Variants in ANKRD62 observed in about 807,000 individuals in gnomAD.
The protein encoded by ANKRD62 is ankyrin repeat domain 62.
Under a neutral mutation model 98.8 loss-of-function variants are expected in ANKRD62, and 61 were observed. That is an observed-to-expected ratio of 0.62 (90% CI 0.50 to 0.76). The LOEUF (loss-of-function observed/expected upper bound fraction) is 0.76. Among genes scored for constraint, ANKRD62 ranks in the 30% least tolerant of loss-of-function variants. The probability of loss-of-function intolerance (pLI) is 0.00; values close to 1 mark genes in which losing one functional copy is unlikely to be tolerated. For synonymous variants in ANKRD62, 341 were observed against 367.9 expected (o/e 0.93, Z 0.84); for missense variants, 933 against 1,082.9 (o/e 0.86, Z 1.94).
At chr18:12,166,407 T>C in the ANKRD62 span, among the ~76,000 whole-genome samples, 1 of 152,098 alleles carries the variant, frequency 6.6e-6, no homozygotes, top group South Asian at 2.1e-4. Flanking sequence ...TTATCAGTTC[T>C]GCTATTAAGA....
chr18:12,113,777 G>A (rs1909599315), intron 8 of ANKRD62, among the ~76,000 whole-genome samples: 1 of 152,138 alleles, frequency 6.6e-6, no homozygotes, highest in Non-Finnish European at 1.5e-5. Flanking sequence ...ATTCAACCTA[G>A]CAATCTTATT....
At chr18:12,109,192 G>T (rs1421063632) in intron 8 of ANKRD62, among the ~76,000 whole-genome samples, 2 of 152,192 alleles carry the variant, frequency 1.3e-5, no homozygotes, top group Non-Finnish European at 2.9e-5. Context: ...CTTCATGAGG[G>T]CTCTGCCCCT....
intron 10 of ANKRD62, among the ~76,000 whole-genome samples, chr18:12,116,518 C>G (rs1909669010): frequency 6.6e-6 from 1 of 152,144 alleles, no homozygotes; most frequent in Non-Finnish European, 1.5e-5. Context: ...TGGGTCCTAT[C>G]GCCAAGATAT....
At chr18:12,136,098 T>C in the ANKRD62 span, among the ~76,000 whole-genome samples, 1 of 152,220 alleles carries the variant, frequency 6.6e-6, no homozygotes, top group Non-Finnish European at 1.5e-5. Context: ...TTTTGGTGTT[T>C]TAGTCATGAA....
chr18:12,137,356 A>C, the ANKRD62 span, among the ~76,000 whole-genome samples: 1 of 152,094 alleles, frequency 6.6e-6, no homozygotes, highest in East Asian at 1.9e-4. Flanking sequence ...ATGTTTATTG[A>C]TTTTCATATG....
intron 8 of ANKRD62, among the ~76,000 whole-genome samples, chr18:12,113,917 T>C (rs1230530801): frequency 6.6e-6 from 1 of 152,146 alleles, no homozygotes; most frequent in African/African-American, 2.4e-5. Flanking sequence ...AGACTGGATA[T>C]AGAAAATGTG....
Position 12,115,103 on chromosome 18 carries a change from C to A in ANKRD62, c.1080C>A (p.Thr360=). The A allele has an allele frequency of 7.2e-7, 1 of 1,393,834 alleles. No homozygotes were observed. Among genetic ancestry groups the A allele is most frequent in the Non-Finnish European group, 9.3e-7 (1 of 1,080,348 alleles). 86.3% of individuals were successfully genotyped at this position (1,393,834 alleles called of 1,614,324 possible). A position where few individuals can be genotyped will look rare whatever the true frequency, so the allele number is the denominator to read the frequency against. ...NGEFDRLARK[T]SNEKSKVKSQ... ...TTTTTTTTAGGCTTGCAAGGAAAACCTCTAATGAAAAGAGCAAGGTATTAT... is the reference window on the plus strand; with the variant it reads ...TTTTTTTTAGGCTTGCAAGGAAAACATCTAATGAAAAGAGCAAGGTATTAT... The change falls in exon 9 of 14, where the codon ACC becomes ACA. Residue 360 remains threonine, a synonymous_variant. Coordinates refer to ENST00000587848, the MANE Select transcript of ANKRD62 (RefSeq NM_001277333.2).
chr18:12,123,142 G>A (rs1008706417), intron 11 of ANKRD62, among the ~76,000 whole-genome samples: 11 of 152,184 alleles, frequency 7.2e-5, no homozygotes, highest in Admixed American at 3.3e-4. Context: ...TCTGCTTCCG[G>A]GTTCAAGCAA....
chr18:12,160,170 T>C, the ANKRD62 span, among the ~76,000 whole-genome samples: 2 of 152,186 alleles, frequency 1.3e-5, no homozygotes, highest in African/African-American at 4.8e-5. Context: ...GGGGTACAAA[T>C]CATAGGGCTG....
the ANKRD62 span, among the ~76,000 whole-genome samples, chr18:12,170,839 A>G: frequency 6.6e-6 from 1 of 152,198 alleles, no homozygotes; most frequent in East Asian, 1.9e-4. Context: ...ATATATTTAG[A>G]ATAGTTAGCT....
intron 8 of ANKRD62, among the ~76,000 whole-genome samples, chr18:12,112,902 CT>C (rs1195233751): frequency 1.3e-5 from 2 of 152,018 alleles, no homozygotes; most frequent in Non-Finnish European, 2.9e-5. Context: ...GAACAGATTT[CT>C]TTTTTTCTTT....
the ANKRD62 span, among the ~76,000 whole-genome samples, chr18:12,145,593 C>T: frequency 1.3e-5 from 2 of 152,156 alleles, no homozygotes; most frequent in African/African-American, 2.4e-5. Context: ...GTTTCTGTGT[C>T]TCTTCACTGG....
At chr18:12,179,306 AG>A in the ANKRD62 span, among the ~76,000 whole-genome samples, 1 of 138,764 alleles carries the variant, frequency 7.2e-6, no homozygotes. Flanking sequence ...GGTGGAGGGC[AG>A]GAGAGCCTTG....
At chr18:12,130,316 G>A (rs4797624), downstream of ANKRD62, among the ~76,000 whole-genome samples, 93,240 of 151,868 alleles carry the variant, frequency 0.61, 29,062 homozygotes, top group Middle Eastern at 0.76. Flanking sequence ...AATTATGTCT[G>A]AGAATAATTA....
At chr18:12,141,077 C>T in the ANKRD62 span, among the ~76,000 whole-genome samples, 2 of 152,372 alleles carry the variant, frequency 1.3e-5, no homozygotes, top group African/African-American at 4.8e-5. Flanking sequence ...GCCAGCCTCG[C>T]TGCCGCCTTG....
the ANKRD62 span, among the ~76,000 whole-genome samples, chr18:12,141,522 A>G: frequency 3.3e-5 from 5 of 149,456 alleles, no homozygotes; most frequent in African/African-American, 9.9e-5. Context: ...TTTTTTTCCT[A>G]TGGTGGCTAT....
chr18:12,164,202 A>G, the ANKRD62 span, among the ~76,000 whole-genome samples: 1 of 151,750 alleles, frequency 6.6e-6, no homozygotes, highest in Non-Finnish European at 1.5e-5. Flanking sequence ...TAGGTTGTAG[A>G]TATTTTTTCA....
At position 12,125,728 on chromosome 18, in the gene ANKRD62, A is replaced by G. The variant is rs753308723; in HGVS notation, c.1907A>G (p.Asn636Ser). 23 of 1,543,452 alleles carry G rather than the reference A, an allele frequency of 1.5e-5. No homozygotes were observed. The highest frequency in any genetic ancestry group is 2.0e-5 in the Non-Finnish European group (23 of 1,146,940). ...CTGATGGATGAGAATACAATGCTCA[A>G]TTCTGAGCTACAGAAGGAAAAACAA... ...NVLMDENTML[N>S]SELQKEKQSM... Residue 636 changes from asparagine to serine, a missense_variant, in exon 13 of 14, where the codon AAT (asparagine) becomes AGT (serine). Transcript: ENST00000587848.
the ANKRD62 span, among the ~76,000 whole-genome samples, chr18:12,169,550 A>G: frequency 6.6e-6 from 1 of 151,764 alleles, no homozygotes; most frequent in African/African-American, 2.4e-5. Context: ...TTTCTTGAGG[A>G]TTTTTTGCAT....
Sources: gnomAD v4.1 joint callset for allele counts (sites outside exome capture counted in the v4.1 genomes callset) on GRCh38, gnomAD v4.1.1 for gene constraint, MANE v1.5 for transcripts, NCBI Gene and HGNC (gene_info 2026-07-23, HGNC 2026-07-21) for gene names.